The following CCDC30 variants were observed in gnomAD, a reference collection of about 807,000 sequenced individuals.
CCDC30 encodes coiled-coil domain-containing protein 30.
A neutral mutation model predicts 100.2 loss-of-function variants in CCDC30; 70 were observed. The ratio of observed to expected loss-of-function variants is 0.70; its 90% confidence interval spans 0.58 to 0.85. The LOEUF (loss-of-function observed/expected upper bound fraction) is 0.85. Among genes scored for constraint, CCDC30 ranks in the 40% least tolerant of loss-of-function variants. CCDC30 has a pLI of 0.00. For synonymous variants in CCDC30, 233 were observed against 269.5 expected (o/e 0.86, Z 1.33); for missense variants, 652 against 771.2 (o/e 0.85, Z 1.83).
chr1:42,601,217 T>C (rs1646399264), intron 10 of CCDC30, among the ~76,000 whole-genome samples: 1 of 152,200 alleles, frequency 6.6e-6, no homozygotes, highest in Admixed American at 6.5e-5. Flanking sequence ...AAAGTGAAGA[T>C]ACAACTTATC....
intron 6 of CCDC30, among the ~76,000 whole-genome samples, chr1:42,511,427 T>C (rs1476523444): frequency 6.6e-6 from 1 of 152,182 alleles, no homozygotes; most frequent in Non-Finnish European, 1.5e-5. Context: ...TCATGGCCCA[T>C]GCTAAAGCGT....
chr1:42,500,297 T>C (rs1644289965), intron 6 of CCDC30: 1 of 1,610,790 alleles, frequency 6.2e-7, no homozygotes, highest in Non-Finnish European at 8.5e-7. Context: ...AGTTTCGACT[T>C]ATCGAATTTC....
intron 6 of CCDC30, among the ~76,000 whole-genome samples, chr1:42,523,502 G>T (rs1188940551): frequency 1.3e-5 from 2 of 151,924 alleles, no homozygotes; most frequent in Non-Finnish European, 2.9e-5. Context: ...CTTCTCTCTT[G>T]CTGCTTTCAA....
chr1:42,476,629 G>A (rs1295751752), intron 1 of CCDC30, among the ~76,000 whole-genome samples: 1 of 151,664 alleles, frequency 6.6e-6, no homozygotes, highest in African/African-American at 2.4e-5. Flanking sequence ...GGCAGAGGTT[G>A]TGGTGAGCGG....
At chr1:42,607,729 T>C (rs926524016) in intron 10 of CCDC30, among the ~76,000 whole-genome samples, 10 of 152,036 alleles carry the variant, frequency 6.6e-5, no homozygotes, top group East Asian at 5.8e-4. Context: ...GAAAGGGATA[T>C]CTATGAAGCT....
intron 7 of CCDC30, among the ~76,000 whole-genome samples, chr1:42,575,444 T>A (rs1218384846): frequency 6.6e-6 from 1 of 151,778 alleles, no homozygotes; most frequent in Non-Finnish European, 1.5e-5. Flanking sequence ...GGTTAGGAGA[T>A]CGAGACCATT....
At chr1:42,524,587 C>T (rs1644696131) in intron 6 of CCDC30, among the ~76,000 whole-genome samples, 1 of 152,104 alleles carries the variant, frequency 6.6e-6, no homozygotes, top group Admixed American at 6.5e-5. Context: ...AGCAATCACC[C>T]ATCAGAACAC....
chr1:42,645,630 C>G (rs1277238121), intron 14 of CCDC30, among the ~76,000 whole-genome samples: 1 of 152,004 alleles, frequency 6.6e-6, no homozygotes, highest in East Asian at 1.9e-4. Flanking sequence ...TGTTTGGTCT[C>G]AGAGAGGTGA....
At chr1:42,604,593 C>A (rs1362008614) in intron 10 of CCDC30, among the ~76,000 whole-genome samples, 1 of 152,182 alleles carries the variant, frequency 6.6e-6, no homozygotes, top group African/African-American at 2.4e-5. Context: ...AGGTCCACAC[C>A]TCGAATTGTG....
At chr1:42,456,559 G>A in the CCDC30 span, 2 of 1,466,382 alleles carry the variant, frequency 1.4e-6, no homozygotes, top group Non-Finnish European at 1.8e-6. Context: ...CGGCCGCTGC[G>A]CTGCAGATGG....
At chr1:42,516,353 G>A (rs1254041391) in intron 6 of CCDC30, among the ~76,000 whole-genome samples, 1 of 152,022 alleles carries the variant, frequency 6.6e-6, no homozygotes, top group Non-Finnish European at 1.5e-5. Context: ...CCGAGTGACA[G>A]GTGTTTGGGT....
chr1:42,641,944 G>T (rs1460735669), intron 12 of CCDC30, among the ~76,000 whole-genome samples: 1 of 152,064 alleles, frequency 6.6e-6, no homozygotes, highest in Non-Finnish European at 1.5e-5. Flanking sequence ...ACATGACATG[G>T]GCTGGGCATG....
At chr1:42,511,801 A>G (rs1318694925) in intron 6 of CCDC30, among the ~76,000 whole-genome samples, 5 of 152,294 alleles carry the variant, frequency 3.3e-5, no homozygotes, top group African/African-American at 9.6e-5. Flanking sequence ...TTGAAATGCC[A>G]TGTGCTCTCC....
chr1:42,589,694 G>T lies in CCDC30; in HGVS notation c.1164+211G>T. The T allele has an allele frequency of 5.1e-6, 2 of 389,040 alleles. 1 individual carries two copies. The highest frequency in any genetic ancestry group is 1.4e-3 in the Middle Eastern group (2 of 1,436). 24.1% of individuals were successfully genotyped at this position (389,040 alleles called of 1,614,324 possible). On this transcript the variant is annotated intron_variant, in intron 10 of 16. Transcript: ENST00000668663. Reference sequence around the variant, plus strand: ...AGTTGGAAGGGACCAGGGGAGAGTAGAGTCAGAAAGGACTGCTGCTAGCTT... The same window carrying T: ...AGTTGGAAGGGACCAGGGGAGAGTATAGTCAGAAAGGACTGCTGCTAGCTT...
chr1:42,645,067 T>C (rs766989156), intron 14 of CCDC30, among the ~76,000 whole-genome samples: 1 of 152,194 alleles, frequency 6.6e-6, no homozygotes, highest in Admixed American at 6.5e-5. Context: ...TCTTCCTTAA[T>C]ACACTGTATT....
At chr1:42,635,630 A>G (rs867657127) in intron 11 of CCDC30, among the ~76,000 whole-genome samples, 11 of 151,682 alleles carry the variant, frequency 7.3e-5, no homozygotes, top group African/African-American at 2.7e-4. Flanking sequence ...TAACACGGTG[A>G]AACCCCGTCT....
chr1:42,644,750 A>C, exon 14 of CCDC30: 1 of 1,613,822 alleles, frequency 6.2e-7, no homozygotes, highest in Admixed American at 1.7e-5. Flanking sequence ...TTCGTCTCAC[A>C]CAGCAGATTG....
intron 10 of CCDC30, among the ~76,000 whole-genome samples, chr1:42,603,476 A>G (rs1053136649): frequency 1.3e-5 from 2 of 152,242 alleles, no homozygotes; most frequent in Non-Finnish European, 2.9e-5. Context: ...GACAAAATCC[A>G]ACATCCATTC....
chr1:42,613,003 A>G (rs1406376074), intron 11 of CCDC30, among the ~76,000 whole-genome samples: 4 of 152,148 alleles, frequency 2.6e-5, no homozygotes, highest in African/African-American at 9.7e-5. Context: ...AAACATTCCA[A>G]AGTATCCTAC....
Sources: gnomAD v4.1 joint callset for allele counts (sites outside exome capture counted in the v4.1 genomes callset) on GRCh38, gnomAD v4.1.1 for gene constraint, MANE v1.5 for transcripts, NCBI Gene and HGNC (gene_info 2026-07-23, HGNC 2026-07-21) for gene names.